Variants in UBL4A observed in about 807,000 individuals in gnomAD.
UBL4A encodes the protein ubiquitin-like protein 4A.
In UBL4A, 4 loss-of-function variants were observed where a neutral mutation model predicts 11.4. That is an observed-to-expected ratio of 0.35 (90% CI 0.17 to 0.81). The LOEUF (loss-of-function observed/expected upper bound fraction) is 0.81. UBL4A is among the 30% of genes least tolerant of loss of function. UBL4A has a pLI of 0.52. For missense variants in UBL4A, 112 were observed against 124.9 expected (o/e 0.90, Z 0.49); for synonymous variants, 72 against 61.2 (o/e 1.18, Z -0.83).
At chrX:154,486,418 C>T (rs2069299148) in intron 1 of UBL4A, 85 bp from the exon 2 acceptor site, 1 of 976,787 alleles carries the variant, frequency 1.0e-6, no homozygotes, top group African/African-American at 2.1e-5. Context: ...GAGGGCAGCT[C>T]TCCCGGCTCC....
chrX:154,486,309 T>G lies in UBL4A; in HGVS notation c.73A>C (p.Thr25Pro). The change falls in exon 2 of 4, where the codon ACG becomes CCG. Residue 25 changes from threonine to proline, a missense_variant. By Grantham distance (38) the Thr-to-Pro change is conservative (BLOSUM62 -1). Transcript: ENST00000369660. ...LQVPEDELVS[T>P]LKQLVSEKLN... Reference sequence around the variant, plus strand: ...TTCTCGGAGACCAGCTGCTTCAGCGTGGACACCAGCTCGTCCTCTGGCACC... The same window carrying G: ...TTCTCGGAGACCAGCTGCTTCAGCGGGGACACCAGCTCGTCCTCTGGCACC... 8.7e-7 allele frequency: 1 copy of G among 1,150,242 alleles called. No homozygotes were observed. Among genetic ancestry groups the G allele is most frequent in the Non-Finnish European group, 1.2e-6 (1 of 865,085 alleles). The allele number at this position is 1,150,242 out of a possible 1,213,427, so 94.8% of individuals were successfully genotyped here.
At chrX:154,485,730 C>T in intron 3 of UBL4A, 41 bp downstream of exon 3, 1 of 1,193,907 alleles carries the variant, frequency 8.4e-7, no homozygotes, top group Non-Finnish European at 1.1e-6. Context: ...GGGCTGGGAG[C>T]AACTGGGCCT....
At position 154,485,604 on chromosome X, in the gene UBL4A, G is replaced by A; in HGVS notation, c.409C>T (p.Arg137Trp). 1 of 1,210,710 alleles carries A rather than the reference G, an allele frequency of 8.3e-7. No individual in the cohort carries two copies. Among genetic ancestry groups the A allele is most frequent in the East Asian group, 3.0e-5 (1 of 33,824 alleles). The part of the protein sequence containing the change: ...LSRLTLDDIE[R>W]LASRFLHPEV... Reference sequence around the variant, plus strand: ...GGGTGCAGGAAGCGGCTGGCCAACCGTTCGATGTCGTCCAGCGTCAGGCGA... The same window carrying A: ...GGGTGCAGGAAGCGGCTGGCCAACCATTCGATGTCGTCCAGCGTCAGGCGA... The change falls in exon 4 of 4, where the codon CGG becomes TGG. Residue 137 changes from arginine to tryptophan, a missense_variant. Transcript: ENST00000369660.
In UBL4A at chrX:154,485,532, G is replaced by C. The variant is rs782431214; in HGVS notation, c.*7C>G. ...GGCGTTGGGCACCTCCCCATGCTCC[G>C]AGAATTCTATTTGGAGAAGCCCTTC... On this transcript the variant is annotated 3_prime_UTR_variant, in exon 4 of 4. Transcript: ENST00000369660. 3 of 1,208,517 alleles carry C rather than the reference G, an allele frequency of 2.5e-6. No individual in the cohort carries two copies. The highest frequency in any genetic ancestry group is 3.4e-6 in the Non-Finnish European group (3 of 892,654).
chrX:154,486,059 G>C, intron 2 of UBL4A, 80 bp from the exon 3 acceptor site: 1 of 1,135,851 alleles, frequency 8.8e-7, no homozygotes, highest in Non-Finnish European at 1.2e-6. Flanking sequence ...CTCGGGCGGC[G>C]GGAGCGGAGC....
At chrX:154,486,395 C>A (rs1450347620) in intron 1 of UBL4A, 62 bp from the exon 2 acceptor site, 5 of 1,040,586 alleles carry the variant, frequency 4.8e-6, no homozygotes, top group African/African-American at 4.0e-5. Flanking sequence ...GCGAAGCCCA[C>A]GCGTCCGCCC....
chrX:154,486,064 C>T (rs1569554991), intron 2 of UBL4A, 85 bp from the exon 3 acceptor site: 1 of 1,104,875 alleles, frequency 9.1e-7, no homozygotes, highest in African/African-American at 1.8e-5. Flanking sequence ...GCGGCGGGAG[C>T]GGAGCGCTGC....
chrX:154,485,810 A>G lies in UBL4A; in HGVS notation c.324T>C (p.Ser108=), dbSNP rs782021191. 10 of 1,198,890 alleles carry G rather than the reference A, an allele frequency of 8.3e-6. No individual in the cohort carries two copies. The highest frequency in any genetic ancestry group is 5.6e-6 in the Non-Finnish European group (5 of 889,356). ...CCAGGACCCTGCTGGCATCTGCCGC[A>G]CTGAAGTGGCGGGCCAAGACTTTGG... ...LISKVLARHF[S]AADASRVLEQ... Residue 108 remains serine, a synonymous_variant, in exon 3 of 4, where the codon AGT becomes AGC. Transcript: ENST00000369660.
At position 154,484,029 on chromosome X, in the gene UBL4A, G is replaced by A. The variant is rs1557212270; in HGVS notation, c.*1510C>T. 4.4e-5 allele frequency: 5 copies of A among 113,742 alleles called. No individual in the cohort carries two copies. The highest frequency in any genetic ancestry group is 1.3e-4 in the African/African-American group (4 of 31,427). 9.4% of individuals were successfully genotyped at this position (113,742 alleles called of 1,213,427 possible). The stretch of plus-strand genomic sequence containing the variant: ...TTGTTAAACCAATGATTGGATATCA[G>A]AAACAGCCTAGCTAATATAGCTCCT... On this transcript the variant is annotated 3_prime_UTR_variant, in exon 4 of 4. Coordinates refer to ENST00000369660, the MANE Select transcript of UBL4A (RefSeq NM_014235.5).
Position 154,485,756 on chromosome X carries a change from G to C in UBL4A, c.363+15C>G. 1 of 1,191,164 alleles carries C rather than the reference G, an allele frequency of 8.4e-7. No homozygotes were observed. Reference sequence around the variant, plus strand: ...AACTGGGCCTGAAGAGGATGCCCAGGGTTACCCTTCTCACCCTCTGTAGCT... The same window carrying C: ...AACTGGGCCTGAAGAGGATGCCCAGCGTTACCCTTCTCACCCTCTGTAGCT... On this transcript the variant is annotated intron_variant, in intron 3 of 3. Transcript: ENST00000369660.
Position 154,485,111 on chromosome X carries a change from T to G in UBL4A, c.*428A>C. 1 of 359,973 alleles carries G rather than the reference T, an allele frequency of 2.8e-6. No individual in the cohort carries two copies. The highest frequency in any genetic ancestry group is 4.6e-5 in the East Asian group (1 of 21,770). The allele number at this position is 359,973 out of a possible 1,213,427, so 29.7% of individuals were successfully genotyped here. On this transcript the variant is annotated 3_prime_UTR_variant, in exon 4 of 4. Transcript: ENST00000369660. ...GGGGGGTTCCAGGGCTGGCTGTCACTTGGCCTCCTGCAGAGGTAAGCTGAG... is the reference window on the plus strand; with the variant it reads ...GGGGGGTTCCAGGGCTGGCTGTCACGTGGCCTCCTGCAGAGGTAAGCTGAG...
chrX:154,486,088 G>A, intron 2 of UBL4A, 109 bp from the exon 3 acceptor site: 2 of 1,051,411 alleles, frequency 1.9e-6, no homozygotes, highest in Non-Finnish European at 2.6e-6. Flanking sequence ...ATCCGGCTGT[G>A]AGGCATGCGG....
intron 1 of UBL4A, 87 bp from the exon 2 acceptor site, chrX:154,486,420 C>G (rs1157394363): frequency 1.0e-6 from 1 of 980,948 alleles, no homozygotes; most frequent in African/African-American, 2.1e-5. Flanking sequence ...GGGCAGCTCT[C>G]CCGGCTCCCG....
rs1295663625 is a variant in UBL4A at position 154,486,603 on chromosome X, C to A, written c.-19G>T. The A allele has an allele frequency of 1.5e-4, 132 of 878,803 alleles. No individual in the cohort carries two copies. The highest frequency in any genetic ancestry group is 1.8e-4 in the Non-Finnish European group (129 of 719,756). 72.4% of individuals were successfully genotyped at this position (878,803 alleles called of 1,213,427 possible). A position where few individuals can be genotyped will look rare whatever the true frequency, so the allele number is the denominator to read the frequency against. On this transcript the variant is annotated 5_prime_UTR_variant, in exon 1 of 4. Transcript: ENST00000369660. ...GCTGCATGGCGGTCGCGACGGCGTCCACTCGGGCCGGCGCGCACCCCAACC... is the reference window on the plus strand; with the variant it reads ...GCTGCATGGCGGTCGCGACGGCGTCAACTCGGGCCGGCGCGCACCCCAACC...
Position 154,485,586 on chromosome X carries a change from G to C in UBL4A, c.427C>G (p.Leu143Val), listed in dbSNP as rs202239760. 2 of 1,209,620 alleles carry C rather than the reference G, an allele frequency of 1.7e-6. No individual in the cohort carries two copies. Among genetic ancestry groups the C allele is most frequent in the Admixed American group, 2.2e-5 (1 of 45,753 alleles). ...ATTGTCTCAGTCACTTCAGGGTGCAGGAAGCGGCTGGCCAACCGTTCGATG... is the reference window on the plus strand; with the variant it reads ...ATTGTCTCAGTCACTTCAGGGTGCACGAAGCGGCTGGCCAACCGTTCGATG... Reference protein sequence around the residue: ...DDIERLASRFLHPEVTETMEK... With the variant: ...DDIERLASRFVHPEVTETMEK... Residue 143 changes from leucine to valine, a missense_variant, in exon 4 of 4, where the codon CTG becomes GTG. By Grantham distance (32) the Leu-to-Val change is conservative (BLOSUM62 1). Transcript: ENST00000369660.
Position 154,485,337 on chromosome X carries a change from C to T in UBL4A, c.*202G>A, listed in dbSNP as rs1420419185. 13 of 527,132 alleles carry T rather than the reference C, an allele frequency of 2.5e-5. No individual in the cohort carries two copies. Among genetic ancestry groups the T allele is most frequent in the African/African-American group, 2.1e-4 (9 of 43,491 alleles). The allele number at this position is 527,132 out of a possible 1,213,427, so 43.4% of individuals were successfully genotyped here. On this transcript the variant is annotated 3_prime_UTR_variant, in exon 4 of 4. Coordinates refer to ENST00000369660, the MANE Select transcript of UBL4A (RefSeq NM_014235.5). ...GACTGGGGCTGTGCCACTTCATCGCCGGTGCCTCTGCTGTGCCGGCTCTCC... is the reference window on the plus strand; with the variant it reads ...GACTGGGGCTGTGCCACTTCATCGCTGGTGCCTCTGCTGTGCCGGCTCTCC...
chrX:154,485,975 C>T lies in UBL4A; in HGVS notation c.159G>A (p.Gly53=), dbSNP rs2069294711. The change falls in exon 3 of 4, where the codon GGG becomes GGA. Residue 53 remains glycine (G), a synonymous_variant. Transcript: ENST00000369660. ...CGATGCTATAATCCGAGAGTCGTTT[C>T]CCATCTGCCAAAGACAGATCGATGG... ...LLFKGKALAD[G]KRLSDYSIGP... 1.7e-6 allele frequency: 2 copies of T among 1,207,432 alleles called. No individual in the cohort carries two copies. Among genetic ancestry groups the T allele is most frequent in the Non-Finnish European group, 2.2e-6 (2 of 895,361 alleles).
rs782574206 is a variant in UBL4A, at chrX:154,486,209, G to A, written c.154+19C>T. 4.4e-6 allele frequency: 5 copies of A among 1,143,981 alleles called. No individual in the cohort carries two copies. The Admixed American group carries it at 1.1e-4, about 24-fold the overall frequency. The allele number at this position is 1,143,981 out of a possible 1,213,427, so 94.3% of individuals were successfully genotyped here. A position where few individuals can be genotyped will look rare whatever the true frequency, so the allele number is the denominator to read the frequency against. ...CCGCTTCCTGCGGGGCTCCCCGGGC[G>A]TCTCCTCTCCCTGGGTACCTGCCAG... On this transcript the variant is annotated intron_variant, in intron 2 of 3. Transcript: ENST00000369660.
At position 154,485,855 on chromosome X, in the gene UBL4A, C is replaced by A; in HGVS notation, c.279G>T (p.Pro93=). Residue 93 remains proline (P), a synonymous_variant, in exon 3 of 4, where the codon CCG becomes CCT. Coordinates refer to ENST00000369660, the MANE Select transcript of UBL4A (RefSeq NM_014235.5). ...CTTTGGAGATCAGCTGCCAGACCTGCGGGGGTGGGGAGTCGGCCAGCCTCT... is the reference window on the plus strand; with the variant it reads ...CTTTGGAGATCAGCTGCCAGACCTGAGGGGGTGGGGAGTCGGCCAGCCTCT... The part of the protein sequence containing the change: ...EAQRLADSPP[P]QVWQLISKVL... 6 of 1,207,516 alleles carry A rather than the reference C, an allele frequency of 5.0e-6. No homozygotes were observed. Among genetic ancestry groups the A allele is most frequent in the Non-Finnish European group, 6.7e-6 (6 of 893,481 alleles).
Sources: gnomAD v4.1 joint callset for allele counts on GRCh38, gnomAD v4.1.1 for gene constraint, MANE v1.5 for transcripts, NCBI Gene and HGNC (gene_info 2026-07-23, HGNC 2026-07-21) for gene names.